The following FBXO34 variants were observed in gnomAD, a reference collection of about 807,000 sequenced individuals.
FBXO34 encodes F-box only protein 34.
In FBXO34, 12 loss-of-function variants were observed where a neutral mutation model predicts 24.5. That is an observed-to-expected ratio of 0.49 (90% CI 0.31 to 0.79). The LOEUF (loss-of-function observed/expected upper bound fraction) is 0.79, where lower values mean the gene tolerates loss of function less well. Ranked by LOEUF, FBXO34 falls within the 30% of genes least tolerant of loss-of-function variation. The pLI is 0.04. For missense variants in FBXO34, 823 were observed against 857.7 expected (o/e 0.96, Z 0.51); for synonymous variants, 320 against 311.9 (o/e 1.03, Z -0.27).
At chr14:55,417,885 A>G in the FBXO34 span, among the ~76,000 whole-genome samples, 1 of 152,208 alleles carries the variant, frequency 6.6e-6, no homozygotes, top group South Asian at 2.1e-4. Flanking sequence ...ATCAAACAAT[A>G]TGGGCTTAAG....
Position 55,352,603 on chromosome 14 carries a change from GC to G in FBXO34, c.*82del. 1 of 1,193,898 alleles carries G rather than the reference GC, an allele frequency of 8.4e-7. No homozygotes were observed. The highest frequency in any genetic ancestry group is 1.2e-6 in the Non-Finnish European group (1 of 858,184). 74.0% of individuals were successfully genotyped at this position (1,193,898 alleles called of 1,614,324 possible). A position where few individuals can be genotyped will look rare whatever the true frequency, so the allele number is the denominator to read the frequency against. ...TAGATACACCGTTCAAATGAGCGTA[GC>G]CCCCTGAGTCATCACTCTAGAAGAA... On this transcript the variant is annotated 3_prime_UTR_variant, in exon 2 of 2. Transcript: ENST00000313833.
intron 1 of FBXO34, among the ~76,000 whole-genome samples, chr14:55,320,204 A>G (rs201917942): frequency 6.6e-6 from 1 of 152,160 alleles, no homozygotes; most frequent in East Asian, 1.9e-4. Context: ...ATCTACCAGC[A>G]AGGAGGGAAC....
intron 1 of FBXO34, among the ~76,000 whole-genome samples, chr14:55,344,579 A>T (rs1884098223): frequency 6.8e-6 from 1 of 146,516 alleles, no homozygotes; most frequent in African/African-American, 2.5e-5. Flanking sequence ...AAGTTCTGGG[A>T]TACATGTGCA....
the FBXO34 span, among the ~76,000 whole-genome samples, chr14:55,380,875 A>ATATATATTTTTTTTT: frequency 5.3e-5 from 6 of 112,732 alleles, no homozygotes; most frequent in Non-Finnish European, 1.0e-4. Context: ...ATATATATAT[A>ATATATATTTTTTTTT]TTTTTTTTTT....
intron 1 of FBXO34, among the ~76,000 whole-genome samples, chr14:55,308,844 T>G (rs923765706): frequency 5.9e-5 from 9 of 152,200 alleles, no homozygotes. Flanking sequence ...AGAAAAAAGT[T>G]ACTTATTTTT....
At chr14:55,359,656 C>T (rs989599231) in intron 3 of FBXO34, among the ~76,000 whole-genome samples, 1 of 152,152 alleles carries the variant, frequency 6.6e-6, no homozygotes, top group Non-Finnish European at 1.5e-5. Context: ...TTTGCTGTAT[C>T]GATTAACTCT....
Position 55,325,162 on chromosome 14 carries a change from C to T in FBXO34, c.-10-25219C>T, listed in dbSNP as rs143009513. 7.3e-3 allele frequency among the ~76,000 whole-genome samples: 1,111 copies of T among 152,216 alleles called. 9 individuals are homozygous for T. The highest frequency in any genetic ancestry group is 9.5e-3 in the Non-Finnish European group (646 of 68,006). On this transcript the variant is annotated intron_variant, in intron 1 of 1. Transcript: ENST00000313833. ...TAATAGTGCTGAATATTATTATTTC[C>T]CTATAAGAATTTGTTGACATATGGC...
chr14:55,306,150 G>C (rs1177547351), intron 1 of FBXO34, among the ~76,000 whole-genome samples: 1 of 152,198 alleles, frequency 6.6e-6, no homozygotes, highest in Non-Finnish European at 1.5e-5. Flanking sequence ...CCATGAAGTT[G>C]AGTTATGTGA....
At chr14:55,310,930 A>G (rs1044180563) in intron 1 of FBXO34, among the ~76,000 whole-genome samples, 4 of 151,174 alleles carry the variant, frequency 2.6e-5, no homozygotes, top group Middle Eastern at 6.8e-3. Flanking sequence ...ATAAGAGTCA[A>G]CCTATCACTG....
intron 1 of FBXO34, among the ~76,000 whole-genome samples, chr14:55,305,459 C>T (rs988398892): frequency 3.3e-5 from 5 of 150,588 alleles, no homozygotes; most frequent in African/African-American, 1.2e-4. Context: ...TGCGTGGTGG[C>T]TGAGGCGAGT....
intron 1 of FBXO34, among the ~76,000 whole-genome samples, chr14:55,297,810 A>G (rs912831977): frequency 3.9e-5 from 6 of 152,208 alleles, no homozygotes; most frequent in Admixed American, 2.6e-4. Flanking sequence ...AGCACAGCCA[A>G]AAAACCGGGA....
At chr14:55,381,897 T>G in the FBXO34 span, 2 of 1,406,478 alleles carry the variant, frequency 1.4e-6, no homozygotes, top group South Asian at 2.4e-5. Flanking sequence ...CTCTTCATTT[T>G]GTTATGTCAA....
intron 1 of FBXO34, among the ~76,000 whole-genome samples, chr14:55,299,494 CA>C (rs76397638): frequency 0.56 from 82,837 of 148,698 alleles, 25,973 homozygotes; most frequent in African/African-American, 0.87. Context: ...TTTGCAAATC[CA>C]AAAAAAAAGC....
At chr14:55,329,698 C>CT (rs1167733828) in intron 1 of FBXO34, among the ~76,000 whole-genome samples, 5 of 151,846 alleles carry the variant, frequency 3.3e-5, no homozygotes, top group South Asian at 2.1e-4. Flanking sequence ...GCTTGAAGTC[C>CT]TTTTTTTTAA....
intron 1 of FBXO34, among the ~76,000 whole-genome samples, chr14:55,311,582 G>C (rs1390503628): frequency 2.6e-5 from 4 of 152,142 alleles, no homozygotes; most frequent in Admixed American, 2.6e-4. Flanking sequence ...AAGCAAGTTA[G>C]TTACTTCCAA....
chr14:55,295,850 A>G (rs1466816413), intron 1 of FBXO34, among the ~76,000 whole-genome samples: 4 of 152,240 alleles, frequency 2.6e-5, no homozygotes, highest in Non-Finnish European at 4.4e-5. Flanking sequence ...AGTAAAGAAT[A>G]CTTTGAAGTA....
chr14:55,394,881 C>A, the FBXO34 span: 7 of 351,454 alleles, frequency 2.0e-5, no homozygotes, highest in Non-Finnish European at 2.8e-5. Flanking sequence ...AAGCCTCCCA[C>A]TACTCAATAT....
the FBXO34 span, among the ~76,000 whole-genome samples, chr14:55,422,109 G>A: frequency 6.6e-6 from 1 of 152,124 alleles, no homozygotes; most frequent in Admixed American, 6.5e-5. Flanking sequence ...AGCAAAGGCA[G>A]AACCGAAGAA....
intron 1 of FBXO34, among the ~76,000 whole-genome samples, chr14:55,303,594 A>T (rs898197575): frequency 7.7e-6 from 1 of 130,178 alleles, no homozygotes; most frequent in Non-Finnish European, 1.7e-5. Context: ...TCCCATTCTT[A>T]TCTTTTTTTT....
Sources: allele counts gnomAD v4.1 joint callset (sites outside exome capture counted in the v4.1 genomes callset), GRCh38; gene constraint gnomAD v4.1.1; transcripts MANE v1.5; gene names NCBI Gene and HGNC (gene_info 2026-07-23, HGNC 2026-07-21).